The following POTEF variants were observed in gnomAD, a reference collection of about 807,000 sequenced individuals.
POTEF encodes the protein ANKRD26-like family C member 1B.
A neutral mutation model predicts 83.2 loss-of-function variants in POTEF; 20 were observed. The ratio of observed to expected loss-of-function variants is 0.24; its 90% confidence interval spans 0.17 to 0.35. The LOEUF (loss-of-function observed/expected upper bound fraction) is 0.35, where lower values mean the gene tolerates loss of function less well. Among genes scored for constraint, POTEF ranks in the 10% least tolerant of loss-of-function variants. The pLI, the probability that POTEF is intolerant of heterozygous loss-of-function variation, is 1.00. For synonymous variants in POTEF, 196 were observed against 446.4 expected, an observed-to-expected ratio of 0.44 and a Z score of 7.07; for missense variants, 550 against 1,203.2, an observed-to-expected ratio of 0.46 and a Z score of 8.03.
chr2:130,128,710 G>A (rs1188395575), intron 1 of POTEF, among the ~76,000 whole-genome samples: 1 of 151,814 alleles, frequency 6.6e-6, no homozygotes, highest in African/African-American at 2.4e-5. Flanking sequence ...TAAGGGCAGT[G>A]CAGCACCCGA....
chr2:130,112,844 A>G (rs1684747456), intron 5 of POTEF, among the ~76,000 whole-genome samples: 1 of 151,164 alleles, frequency 6.6e-6, no homozygotes. Flanking sequence ...AGAATTTGCT[A>G]CTATTCTAAT....
intron 7 of POTEF, among the ~76,000 whole-genome samples, chr2:130,108,662 C>A (rs1684616519): frequency 6.7e-6 from 1 of 150,224 alleles, no homozygotes; most frequent in African/African-American, 2.5e-5. Context: ...CCTAATTTTG[C>A]TTCTTAGTTG....
Position 130,120,152 on chromosome 2 carries a change from C to T in POTEF, c.364G>A (p.Asp122Asn), listed in dbSNP as rs746417029. Residue 122 changes from aspartate (D) to asparagine (N), a missense_variant, in exon 3 of 17, where the codon GAC becomes AAC. Physicochemically the swap from Asp to Asn is conservative, Grantham distance 23 (BLOSUM62 1). Transcript: ENST00000409914. ...TCCATGAAGGCACTGTCATCGTAGT[C>T]TCCCCAAGCGCCCACCTTGCTCTTG... Reference protein sequence around the residue: ...SSKSKVGAWGDYDDSAFMEPR... With the variant: ...SSKSKVGAWGNYDDSAFMEPR... 1.2e-6 allele frequency: 2 copies of T among 1,610,142 alleles called. No individual in the cohort carries two copies. The highest frequency in any genetic ancestry group is 1.1e-5 in the South Asian group (1 of 90,930).
At chr2:130,119,186 C>T (rs577895379) in intron 3 of POTEF, among the ~76,000 whole-genome samples, 7 of 138,666 alleles carry the variant, frequency 5.0e-5, no homozygotes, top group East Asian at 2.1e-4. Flanking sequence ...TTTTTTGAAA[C>T]GGAGTCTCGC....
At chr2:130,112,324 C>G (rs1684736960) in intron 5 of POTEF, among the ~76,000 whole-genome samples, 2 of 90,998 alleles carry the variant, frequency 2.2e-5, no homozygotes, top group African/African-American at 8.0e-5. Flanking sequence ...CTCAAAAACT[C>G]ACTTTAAACA....
intron 8 of POTEF, among the ~76,000 whole-genome samples, chr2:130,104,114 G>T (rs1172652488): frequency 1.3e-5 from 2 of 150,380 alleles, no homozygotes; most frequent in Admixed American, 6.6e-5. Context: ...AGCTCATGTG[G>T]ACAGAGCTGA....
Position 130,127,324 on chromosome 2 carries a change from C to CAAAAAAA in POTEF, c.-94+378_-94+384dup, listed in dbSNP as rs57173649. On this transcript the variant is annotated intron_variant, in intron 2 of 16. Coordinates refer to ENST00000409914, the MANE Select transcript of POTEF (RefSeq NM_001099771.2). ...TGGGCAAAAGAGCGAGACTCTGTCT[C>CAAAAAAA]AAAAAAAAAAAAAAAAAAAAAAAAA... Among the ~76,000 whole-genome samples the CAAAAAAA allele has an allele frequency of 4.0e-4, 5 of 12,448 alleles. 1 individual carries two copies. The highest frequency in any genetic ancestry group is 1.7e-3 in the African/African-American group (5 of 3,018). The allele number at this position is 12,448 out of a possible 152,430, so 8.2% of individuals were successfully genotyped here.
Position 130,075,443 on chromosome 2 carries a change from A to C in POTEF, c.2029T>G (p.Leu677Val). 6.2e-7 allele frequency: 1 copy of C among 1,611,304 alleles called. No homozygotes were observed. The highest frequency in any genetic ancestry group is 8.5e-7 in the Non-Finnish European group (1 of 1,179,608). ...TTTTTCACACTTTCAATATCCTCCA[A>C]ATATTTCTTTTCTCTTAGCTGGCTC... ...HQSQLREKKY[L>V]EDIESVKKRN... is the part of the protein sequence containing the mutation. The change falls in exon 17 of 17, where the codon TTG (leucine) becomes GTG (valine). Residue 677 changes from leucine (L) to valine (V), a missense_variant. Leu to Val is a conservative substitution (Grantham distance 32, BLOSUM62 1). Transcript: ENST00000409914.
chr2:130,100,848 TAATTAA>T (rs1684351103), intron 9 of POTEF, 128 bp from the exon 10 acceptor site: 3 of 562,998 alleles, frequency 5.3e-6, no homozygotes, highest in Admixed American at 4.4e-5. Flanking sequence ...AATTAGAAAA[TAATTAA>T]AATTAAAATT....
rs377551554 is a variant in POTEF at position 130,120,438 on chromosome 2, C to T, written c.78G>A (p.Lys26=). 1.8e-4 allele frequency: 286 copies of T among 1,613,722 alleles called. 2 individuals are homozygous for T. The Middle Eastern group carries it at 4.0e-3, about 22-fold the overall frequency. ...KPFGLRSKMG[K]WCCRCFPCCR... The stretch of plus-strand genomic sequence containing the variant: ...AGCAGGGGAAGCAACGGCAGCACCA[C>T]TTGCCCATCTTGCTCCTGAGACCAA... The change falls in exon 3 of 17, where the codon AAG becomes AAA. Residue 26 remains lysine (K), a synonymous_variant. Coordinates refer to ENST00000409914, the MANE Select transcript of POTEF (RefSeq NM_001099771.2).
At position 130,075,591 on chromosome 2, in the gene POTEF, C is replaced by T. The variant is rs1413352158; in HGVS notation, c.1900-19G>A. On this transcript the variant is annotated intron_variant, in intron 16 of 16. Coordinates refer to ENST00000409914, the MANE Select transcript of POTEF (RefSeq NM_001099771.2). ...GAGAAAGCTAAGTAAACAAAGAGAA[C>T]TTTTAGTTAGCACTCAATAGATTGA... 10 of 1,603,550 alleles carry T rather than the reference C, an allele frequency of 6.2e-6. No individual in the cohort carries two copies. The Admixed American group carries it at 1.7e-4, about 27-fold the overall frequency.
chr2:130,113,162 G>A (rs1309498117), intron 5 of POTEF, among the ~76,000 whole-genome samples: 2 of 123,760 alleles, frequency 1.6e-5, no homozygotes, highest in Non-Finnish European at 3.3e-5. Flanking sequence ...TGGGTGAATC[G>A]CTTGAGCCCA....
chr2:130,075,397 T>C lies in POTEF; in HGVS notation c.2075A>G (p.Lys692Arg), dbSNP rs765063904. ...SVKKRNDNLL[K>R]ALQLNELTMD... ...GGTGAGCTCATTCAATTGTAGAGCC[T>C]TTAAAAGATTATCATTCCTTTTTTT... The change falls in exon 17 of 17, where the codon AAG becomes AGG. Residue 692 changes from lysine (K) to arginine (R), a missense_variant. Transcript: ENST00000409914. The C allele has an allele frequency of 1.9e-6, 3 of 1,611,806 alleles. No homozygotes were observed. Among genetic ancestry groups the C allele is most frequent in the Non-Finnish European group, 2.5e-6 (3 of 1,179,750 alleles).
At chr2:130,117,609 CA>C (rs1684874941) in intron 3 of POTEF, among the ~76,000 whole-genome samples, 1 of 151,956 alleles carries the variant, frequency 6.6e-6, no homozygotes. Flanking sequence ...TGCATGTCGA[CA>C]TATCTCTGTA....
At chr2:130,086,475 A>AAAACAAACAAAG in intron 13 of POTEF, 88 bp from the exon 14 acceptor site, 1 of 622,002 alleles carries the variant, frequency 1.6e-6, no homozygotes, top group Non-Finnish European at 2.9e-6. Context: ...AAATAATTTT[A>AAAACAAACAAAG]TTCTGAAGTA....
intron 11 of POTEF, among the ~76,000 whole-genome samples, chr2:130,094,942 T>C (rs1431891039): frequency 1.7e-4 from 26 of 149,738 alleles, no homozygotes; most frequent in Non-Finnish European, 3.3e-4. Context: ...ATATAAAGAA[T>C]GTAGCTTATT....
intron 3 of POTEF, among the ~76,000 whole-genome samples, chr2:130,119,165 C>CTTT (rs771733018): frequency 1.4e-5 from 2 of 139,036 alleles, no homozygotes; most frequent in Non-Finnish European, 3.1e-5. Flanking sequence ...AAGCTCCCAT[C>CTTT]TTTTTTTTTT....
At chr2:130,095,080 T>G in intron 11 of POTEF, among the ~76,000 whole-genome samples, 1 of 73,922 alleles carries the variant, frequency 1.4e-5, no homozygotes, top group Non-Finnish European at 2.7e-5. Context: ...CAGGCTGGAG[T>G]GCAGTGGCAC....
rs562326654 is a variant in POTEF, at chr2:130,075,024, G to A, written c.2448C>T (p.Arg816=). Residue 816 remains arginine (R), a synonymous_variant, in exon 17 of 17, where the codon CGC becomes CGT. Transcript: ENST00000409914. ...CAAACATGATCTGGGTCATCTTCTC[G>A]CGGTTGGCCTTAGGGTTCAGGGTGG... ...TEATLNPKAN[R]EKMTQIMFET... The A allele has an allele frequency of 5.8e-5, 94 of 1,613,612 alleles. 2 individuals carry two copies. Among genetic ancestry groups the A allele is most frequent in the Non-Finnish European group, 6.7e-5 (79 of 1,179,918 alleles).
Sources: allele counts gnomAD v4.1 joint callset (sites outside exome capture counted in the v4.1 genomes callset), GRCh38; gene constraint gnomAD v4.1.1; transcripts MANE v1.5; gene names NCBI Gene and HGNC (gene_info 2026-07-23, HGNC 2026-07-21).